ADGRV1: variants seen among roughly 807,000 people sequenced by gnomAD.
The protein encoded by ADGRV1 is adhesion G protein-coupled receptor V1.
In ADGRV1, 359 loss-of-function variants were observed where a neutral mutation model predicts 596.2. The ratio of observed to expected loss-of-function variants is 0.60; its 90% CI spans 0.55 to 0.66. ADGRV1 has a LOEUF of 0.66. ADGRV1 is among the 30% of genes least tolerant of loss of function. The probability of loss-of-function intolerance (pLI) is 0.00; values close to 1 mark genes in which losing one functional copy is unlikely to be tolerated. For synonymous variants in ADGRV1, 2,681 were observed against 2,679.2 expected, an observed-to-expected ratio of 1.00 and a Z score of -0.02; for missense variants, 7,274 against 7,575.6, an observed-to-expected ratio of 0.96 and a Z score of 1.48.
At chr5:90,912,743 A>G (rs1436456480) in intron 83 of ADGRV1, among the ~76,000 whole-genome samples, 1 of 152,188 alleles carries the variant, frequency 6.6e-6, no homozygotes, top group African/African-American at 2.4e-5. Context: ...TGGAAAGGAC[A>G]TGACTTTGTT....
intron 83 of ADGRV1, among the ~76,000 whole-genome samples, chr5:90,923,856 C>A (rs1774137822): frequency 1.3e-5 from 2 of 151,286 alleles, no homozygotes; most frequent in African/African-American, 4.9e-5. Context: ...GTTCAGTTCC[C>A]AGCTATGAGT....
chr5:90,988,630 C>T (rs758450225), intron 85 of ADGRV1, among the ~76,000 whole-genome samples: 38 of 151,646 alleles, frequency 2.5e-4, no homozygotes, highest in Non-Finnish European at 4.0e-4. Flanking sequence ...ACCAGAGTGA[C>T]ACACAGCTAT....
chr5:91,011,465 A>G (rs944963907), intron 85 of ADGRV1, among the ~76,000 whole-genome samples: 4 of 151,926 alleles, frequency 2.6e-5, no homozygotes, highest in Admixed American at 2.6e-4. Flanking sequence ...AATAAGTGGC[A>G]AACAAGCACT....
intron 85 of ADGRV1, among the ~76,000 whole-genome samples, chr5:91,000,735 G>C (rs1781792464): frequency 6.9e-6 from 1 of 145,002 alleles, no homozygotes; most frequent in Non-Finnish European, 1.5e-5. Flanking sequence ...ATAAGGAATG[G>C]CTCACACTGT....
chr5:90,866,027 A>C (rs141316056), intron 83 of ADGRV1, among the ~76,000 whole-genome samples: 2,256 of 152,230 alleles, frequency 0.015, 28 homozygotes, highest in Non-Finnish European at 0.022. Flanking sequence ...TTTAGCTAAG[A>C]GGGAAAATTC....
At chr5:90,845,665 T>A (rs1309601927) in intron 78 of ADGRV1, among the ~76,000 whole-genome samples, 1 of 152,154 alleles carries the variant, frequency 6.6e-6, no homozygotes, top group East Asian at 1.9e-4. Flanking sequence ...TGTTGTCTCT[T>A]TTTCTAATTT....
chr5:90,840,936 C>G lies in ADGRV1; in HGVS notation c.16970C>G (p.Thr5657Arg). 6.7e-7 allele frequency: 1 copy of G among 1,498,972 alleles called. No homozygotes were observed. Among genetic ancestry groups the G allele is most frequent in the Non-Finnish European group, 8.9e-7 (1 of 1,121,322 alleles). The allele number at this position is 1,498,972 out of a possible 1,614,324, so 92.9% of individuals were successfully genotyped here. The change falls in exon 78 of 90, where the codon ACA becomes AGA. Residue 5657 changes from threonine (T) to arginine (R), a missense_variant. By Grantham distance (71) the Thr-to-Arg change is moderately conservative (BLOSUM62 -1). Coordinates refer to ENST00000405460, the MANE Select transcript of ADGRV1 (RefSeq NM_032119.4). ...VLHTISMKVA[T>R]ENTDEQLSAM... ...CATACCATCAGCATGAAAGTGGCCA[C>G]AGAAAACACAGATGAACAACTCAGT...
At chr5:90,917,667 T>TA (rs1773503456) in intron 83 of ADGRV1, among the ~76,000 whole-genome samples, 1 of 152,182 alleles carries the variant, frequency 6.6e-6, no homozygotes, top group Admixed American at 6.5e-5. Flanking sequence ...CTTCTTTCCT[T>TA]AAAAGAATAA....
intron 52 of ADGRV1, among the ~76,000 whole-genome samples, chr5:90,748,552 C>T (rs1754884416): frequency 6.6e-6 from 1 of 152,210 alleles, no homozygotes; most frequent in African/African-American, 2.4e-5. Flanking sequence ...CCACATGTGG[C>T]CAGTGGCTAC....
At chr5:90,988,885 G>A (rs1780724941) in intron 85 of ADGRV1, among the ~76,000 whole-genome samples, 1 of 147,788 alleles carries the variant, frequency 6.8e-6, no homozygotes, top group Admixed American at 7.0e-5. Flanking sequence ...GTAAGAACAT[G>A]TGGTGTTTGG....
intron 85 of ADGRV1, among the ~76,000 whole-genome samples, chr5:91,058,661 A>C (rs1484304762): frequency 6.6e-6 from 1 of 152,026 alleles, no homozygotes; most frequent in Non-Finnish European, 1.5e-5. Context: ...GGGCTTCCTT[A>C]TTACGTGCCT....
chr5:90,763,280 G>A lies in ADGRV1; in HGVS notation c.12121-25G>A, dbSNP rs764134942. The A allele has an allele frequency of 9.0e-6, 13 of 1,446,420 alleles. No individual in the cohort carries two copies. The Admixed American group carries it at 1.5e-4, about 17-fold the overall frequency. 89.6% of individuals were successfully genotyped at this position (1,446,420 alleles called of 1,614,324 possible). On this transcript the variant is annotated intron_variant, in intron 58 of 89. Coordinates refer to ENST00000405460, the MANE Select transcript of ADGRV1 (RefSeq NM_032119.4). ...CTCTTTTTGTTTTTTTTTTTGTTTGGCCTTACTGAATTTTCTTCTTTCAGG... is the reference window on the plus strand; with the variant it reads ...CTCTTTTTGTTTTTTTTTTTGTTTGACCTTACTGAATTTTCTTCTTTCAGG...
At chr5:90,727,640 G>C (rs1751979225) in intron 48 of ADGRV1, among the ~76,000 whole-genome samples, 1 of 152,242 alleles carries the variant, frequency 6.6e-6, no homozygotes. Context: ...TATATTTCCT[G>C]ATTTGCCTTG....
At chr5:90,861,144 G>A (rs1196786993) in intron 82 of ADGRV1, among the ~76,000 whole-genome samples, 2 of 151,582 alleles carry the variant, frequency 1.3e-5, no homozygotes, top group Non-Finnish European at 2.9e-5. Context: ...TCCACATAGT[G>A]GTAGGAAAAA....
chr5:90,672,822 T>A, intron 22 of ADGRV1, 100 bp downstream of exon 22: 1 of 843,774 alleles, frequency 1.2e-6, no homozygotes, highest in Non-Finnish European at 1.8e-6. Flanking sequence ...GAAGTGTCGC[T>A]TCCCATTATT....
intron 87 of ADGRV1, among the ~76,000 whole-genome samples, chr5:91,142,817 A>C (rs1206664698): frequency 1.3e-5 from 2 of 152,240 alleles, no homozygotes; most frequent in African/African-American, 2.4e-5. Flanking sequence ...AATCAAAAGA[A>C]ATACAGAATT....
chr5:90,838,860 C>T (rs1481652076), intron 77 of ADGRV1, among the ~76,000 whole-genome samples: 2 of 151,454 alleles, frequency 1.3e-5, no homozygotes, highest in East Asian at 1.9e-4. Flanking sequence ...ACCCTCATCT[C>T]GAAAAAAAAC....
chr5:90,669,201 C>T (rs1476204410), intron 21 of ADGRV1, among the ~76,000 whole-genome samples: 2 of 152,146 alleles, frequency 1.3e-5, no homozygotes, highest in East Asian at 3.9e-4. Flanking sequence ...GCTCATGTAC[C>T]ATTCGGCTAG....
Position 90,681,366 on chromosome 5 carries a change from A to G in ADGRV1, c.5576A>G (p.His1859Arg), listed in dbSNP as rs200974394. The G allele has an allele frequency of 7.2e-5, 117 of 1,613,844 alleles. No individual in the cohort carries two copies. The East Asian group carries it at 2.1e-3, about 28-fold the overall frequency. Residue 1859 changes from histidine to arginine, a missense_variant, in exon 27 of 90, where the codon CAC (histidine) becomes CGC (arginine). Transcript: ENST00000405460. ...QILVTIAASD[H>R]AHGVFEFSPE... ...CTAGTGACAATTGCAGCCTCTGACC[A>G]CGCTCATGGCGTATTTGAATTTAGC...
Sources: gnomAD v4.1 joint callset for allele counts (sites outside exome capture counted in the v4.1 genomes callset) on GRCh38, gnomAD v4.1.1 for gene constraint, MANE v1.5 for transcripts, NCBI Gene and HGNC (gene_info 2026-07-23, HGNC 2026-07-21) for gene names.